The following HR variants were observed in gnomAD, a reference collection of about 807,000 sequenced individuals.
HR encodes the protein HR lysine demethylase and nuclear receptor corepressor, also known as lysine-specific demethylase hairless.
HR carries 83 observed loss-of-function variants against 128.6 expected under a neutral mutation model. The observed-to-expected ratio is 0.65, with a 90% CI of 0.54 to 0.77. The LOEUF (loss-of-function observed/expected upper bound fraction) is 0.77. Ranked by LOEUF, HR falls within the 30% of genes least tolerant of loss-of-function variation. The pLI, the probability that HR is intolerant of heterozygous loss-of-function variation, is 0.00. For missense variants in HR, 1,490 were observed against 1,574.6 expected (o/e 0.95, Z 0.91); for synonymous variants, 681 against 658.2 (o/e 1.03, Z -0.53).
chr8:22,130,990 G>C lies in HR; in HGVS notation c.-603C>G, dbSNP rs1827039272. On this transcript the variant is annotated 5_prime_UTR_variant, in exon 1 of 19. Transcript: ENST00000381418. Reference sequence around the variant, plus strand: ...GGAGAGCGCAGCAGGACCTCTGATCGCCATCGCCAGAAGCGCAACTGAGAG... The same window carrying C: ...GGAGAGCGCAGCAGGACCTCTGATCCCCATCGCCAGAAGCGCAACTGAGAG... The C allele has an allele frequency of 6.6e-6, 1 of 152,256 alleles. No individual in the cohort carries two copies. Among genetic ancestry groups the C allele is most frequent in the Non-Finnish European group, 1.5e-5 (1 of 68,060 alleles). The allele number at this position is 152,256 out of a possible 1,614,324, so 9.4% of individuals were successfully genotyped here.
chr8:22,123,434 C>T (rs1345674719), intron 6 of HR, among the ~76,000 whole-genome samples: 1 of 152,192 alleles, frequency 6.6e-6, no homozygotes, highest in Non-Finnish European at 1.5e-5. Flanking sequence ...GGCACACTCG[C>T]CTTTGTTTAA....
In HR at chr8:22,117,123, CA is replaced by C. The variant is rs1008641025; in HGVS notation, c.3214-85del. On this transcript the variant is annotated intron_variant, in intron 16 of 18. Coordinates refer to ENST00000381418, the MANE Select transcript of HR (RefSeq NM_005144.5). ...GATGGGGCATGGACTTTCCAGAGGC[CA>C]GGGGTGGAGAAAAGAGCCGAAGGGT... The C allele has an allele frequency of 1.2e-4, 159 of 1,345,888 alleles. No homozygotes were observed. In the African/African-American group the frequency reaches 2.0e-3, roughly 17 times the overall value. 83.4% of individuals were successfully genotyped at this position (1,345,888 alleles called of 1,614,324 possible). A position where few individuals can be genotyped will look rare whatever the true frequency, so the allele number is the denominator to read the frequency against.
rs907554353 is a variant in HR, at chr8:22,127,390, C to A, written c.1052G>T (p.Gly351Val). Residue 351 changes from glycine to valine, a missense_variant, in exon 3 of 19, where the codon GGT becomes GTT. Around this residue, in one of 3 missense-constraint regions of HR, gnomAD observed 1,060 missense variants for 1,060.9 expected, o/e 1.00. Transcript: ENST00000381418. Reference protein sequence around the residue: ...CGKCQEGLEGGASGASEPSEE... With the variant: ...CGKCQEGLEGVASGASEPSEE... ...GCTGGGTTCGCTGGCTCCACTGGCACCCCCCTCCAGGCCCTCCTGGCACTT... is the reference window on the plus strand; with the variant it reads ...GCTGGGTTCGCTGGCTCCACTGGCAACCCCCTCCAGGCCCTCCTGGCACTT... 10 of 1,613,100 alleles carry A rather than the reference C, an allele frequency of 6.2e-6. No individual in the cohort carries two copies. The highest frequency in any genetic ancestry group is 8.5e-6 in the Non-Finnish European group (10 of 1,179,966).
At chr8:22,123,617 T>TTGTGG in intron 6 of HR, 32 bp downstream of exon 6, 1 of 292,092 alleles carries the variant, frequency 3.4e-6, no homozygotes, top group Non-Finnish European at 6.2e-6. Flanking sequence ...GAGGGCTCCA[T>TTGTGG]CCCGCCCTCC....
In HR at chr8:22,116,251, T is replaced by G. The variant is rs761724472; in HGVS notation, c.3507+49A>C. ...CCACTGCAGCTGTGGCACAGGGAGG[T>G]GGGAGGCTTGGGTAGCACACCCAGC... On this transcript the variant is annotated intron_variant, in intron 18 of 18. Transcript: ENST00000381418. This position sits in a 1 kb window ranked among gnomAD's most constrained non-coding sequence, Gnocchi z 4.2. 2.5e-6 allele frequency: 4 copies of G among 1,610,154 alleles called. No homozygotes were observed. The African/African-American group carries it at 5.4e-5, about 22-fold the overall frequency.
At chr8:22,123,022 T>C (rs1826795224) in intron 6 of HR, 143 bp from the exon 7 acceptor site, 2 of 754,814 alleles carry the variant, frequency 2.6e-6, no homozygotes, top group African/African-American at 1.7e-5. Context: ...CTGGGTCACA[T>C]AGAGACACAG....
In HR at chr8:22,127,752, G is replaced by A. The variant is rs774834666; in HGVS notation, c.690C>T (p.Gly230=). 3 of 1,602,964 alleles carry A rather than the reference G, an allele frequency of 1.9e-6. No homozygotes were observed. Among genetic ancestry groups the A allele is most frequent in the Non-Finnish European group, 2.5e-6 (3 of 1,179,978 alleles). The change falls in exon 3 of 19, where the codon GGC becomes GGT. Residue 230 remains glycine (G), a synonymous_variant. Coordinates refer to ENST00000381418, the MANE Select transcript of HR (RefSeq NM_005144.5). Reference sequence around the variant, plus strand: ...TCTGCAGGTGCCCACCAGAGTTTAAGCCAAACAACCCAGGTTCCGCAGCTG... The same window carrying A: ...TCTGCAGGTGCCCACCAGAGTTTAAACCAAACAACCCAGGTTCCGCAGCTG... ...PLAAAEPGLF[G]LNSGGHLQRA...
chr8:22,118,752 G>A, intron 16 of HR, 198 bp downstream of exon 16: 1 of 603,116 alleles, frequency 1.7e-6, no homozygotes, highest in Non-Finnish European at 3.0e-6. Flanking sequence ...CGCAGCCCCT[G>A]CCCCTTCTCT....
At chr8:22,120,571 G>T in intron 11 of HR, 64 bp from the exon 12 acceptor site, 1 of 1,605,812 alleles carries the variant, frequency 6.2e-7, no homozygotes, top group African/African-American at 1.3e-5. Context: ...GGCCAGGCAA[G>T]GGCGTGTTGT....
rs1826687284 is a variant in HR, at chr8:22,119,789, G to T, written c.2948C>A (p.Pro983Gln). 1.2e-6 allele frequency: 2 copies of T among 1,613,272 alleles called. No individual in the cohort carries two copies. Among genetic ancestry groups the T allele is most frequent in the South Asian group, 1.1e-5 (1 of 90,994 alleles). The change falls in exon 14 of 19, where the codon CCA becomes CAA. Residue 983 changes from proline (P) to glutamine (Q), a missense_variant. Physicochemically the swap from Pro to Gln is moderately conservative, Grantham distance 76 (BLOSUM62 -1). Transcript: ENST00000381418. ...GGCTGCCCAGAGCTGGGGCTCCAGT[G>T]GACGCAGGGCAAGGCCCGGTGGGAG... Reference protein sequence around the residue: ...SYLPPGLALRPLEPQLWAAYG... With the variant: ...SYLPPGLALRQLEPQLWAAYG...
chr8:22,120,748 G>A lies in HR; in HGVS notation c.2578C>T (p.His860Tyr). The A allele has an allele frequency of 6.6e-7, 1 of 1,511,796 alleles. No homozygotes were observed. The allele number at this position is 1,511,796 out of a possible 1,614,324, so 93.6% of individuals were successfully genotyped here. Reference protein sequence around the residue: ...EPQPCPRRGFHLFQEHWRQGQ... With the variant: ...EPQPCPRRGFYLFQEHWRQGQ... ...TGCCTCCAGTGCTCCTGGAAGAGGT[G>A]GAAGCCACGCCGAGGGCAAGGCTGG... The change falls in exon 11 of 19, where the codon CAC becomes TAC. Residue 860 changes from histidine (H) to tyrosine (Y), a missense_variant. His to Tyr is a moderately conservative substitution (Grantham distance 83). This residue lies in a region of HR where 423 missense variants were observed against 495.9 expected (regional missense o/e 0.85). Coordinates refer to ENST00000381418, the MANE Select transcript of HR (RefSeq NM_005144.5).
Position 22,130,436 on chromosome 8 carries a change from C to T in HR, c.-49G>A, listed in dbSNP as rs888475397. On this transcript the variant is annotated 5_prime_UTR_variant, in exon 1 of 19. It removes the in-frame stop codon of an upstream open reading frame in the 5' UTR. Coordinates refer to ENST00000381418, the MANE Select transcript of HR (RefSeq NM_005144.5). ...GCGCTCCTGGCGCTTACCTGGGCTT[C>T]ACCGGCCGGTCGCGGCGCGGGCGGT... 6 of 152,240 alleles carry T rather than the reference C, an allele frequency of 3.9e-5. No individual in the cohort carries two copies. The highest frequency in any genetic ancestry group is 1.4e-4 in the African/African-American group (6 of 41,464). 9.4% of individuals were successfully genotyped at this position (152,240 alleles called of 1,614,324 possible). A position where few individuals can be genotyped will look rare whatever the true frequency, so the allele number is the denominator to read the frequency against.
In HR at chr8:22,122,613, G is replaced by C; in HGVS notation, c.2006-5C>G. The stretch of plus-strand genomic sequence containing the variant: ...CAGTGCTCAGCTCTGCCAAAGCTGG[G>C]GGTGGGGGTGGGCAGGAGAGGGAGG... On this transcript the variant is annotated splice_region_variant and splice_polypyrimidine_tract_variant and intron_variant, in intron 7 of 18. Coordinates refer to ENST00000381418, the MANE Select transcript of HR (RefSeq NM_005144.5). 1 of 1,602,548 alleles carries C rather than the reference G, an allele frequency of 6.2e-7. No individual in the cohort carries two copies.
rs199807649 is a variant in HR, at chr8:22,125,607, C to T, written c.1531G>A (p.Ala511Thr). Residue 511 changes from alanine (A) to threonine (T), a missense_variant, in exon 4 of 19, where the codon GCC (alanine) becomes ACC (threonine). By Grantham distance (58) the Ala-to-Thr change is moderately conservative (BLOSUM62 0). Transcript: ENST00000381418. The part of the protein sequence containing the change: ...AQAAGEGGGH[A>T]CHSQQVRRSP... ...CTCCGCACTTGCTGAGAGTGGCAGG[C>T]GTGCCCTCCTCCCTCTCCAGCTGCC... 1.1e-4 allele frequency: 177 copies of T among 1,579,316 alleles called. 1 individual carries two copies. The highest frequency in any genetic ancestry group is 5.4e-4 in the African/African-American group (40 of 74,106).
intron 18 of HR, 22 bp from the exon 19 acceptor site, chr8:22,115,784 A>G: frequency 6.2e-7 from 1 of 1,612,680 alleles, no homozygotes; most frequent in Non-Finnish European, 8.5e-7. Flanking sequence ...AGAGAGGACA[A>G]AGCATTTTCA....
rs544453031 is a variant in HR at position 22,129,981 on chromosome 8, G to A, written c.-41+447C>T. Among the ~76,000 whole-genome samples, 8 of 152,310 alleles carry A rather than the reference G, an allele frequency of 5.3e-5. No homozygotes were observed. In the South Asian group the frequency reaches 1.7e-3, roughly 32 times the overall value. On this transcript the variant is annotated intron_variant, in intron 1 of 18. Transcript: ENST00000381418. Reference sequence around the variant, plus strand: ...GGATTAAGAAGCCTCAGCTGGATGGGTCAAGCTGCCCTAGCCCAGCCAGCA... The same window carrying A: ...GGATTAAGAAGCCTCAGCTGGATGGATCAAGCTGCCCTAGCCCAGCCAGCA...
At position 22,120,882 on chromosome 8, in the gene HR, C is replaced by T. The variant is rs1297385578; in HGVS notation, c.2444G>A (p.Gly815Glu). The T allele has an allele frequency of 6.4e-7, 1 of 1,554,416 alleles. No individual in the cohort carries two copies. The highest frequency in any genetic ancestry group is 2.0e-5 in the Admixed American group (1 of 51,264). ...VERKIQEKAL[G>E]PGLRAGPGLR... ...ACCCGGGCCAGCTCGAAGCCCCGGC[C>T]CCAGGGCTTTCTCCTGGATCTTCCG... The change falls in exon 11 of 19, where the codon GGG (glycine) becomes GAG (glutamate). Residue 815 changes from glycine (G) to glutamate (E), a missense_variant. Physicochemically the swap from Gly to Glu is moderately conservative, Grantham distance 98. Around this residue, in one of 3 missense-constraint regions of HR, gnomAD observed 423 missense variants for 495.9 expected, o/e 0.85. Transcript: ENST00000381418.
chr8:22,115,588 G>C lies in HR; in HGVS notation c.*112C>G, dbSNP rs1826564702. 1 of 921,382 alleles carries C rather than the reference G, an allele frequency of 1.1e-6. No homozygotes were observed. The highest frequency in any genetic ancestry group is 1.6e-5 in the African/African-American group (1 of 61,260). The allele number at this position is 921,382 out of a possible 1,614,324, so 57.1% of individuals were successfully genotyped here. On this transcript the variant is annotated 3_prime_UTR_variant, in exon 19 of 19. Transcript: ENST00000381418. ...GCTTGTGCCCAGAGTGGTGCTTGTG[G>C]GGTTGACCAGAAATCCCCAAGTCCC...
chr8:22,124,647 G>T (rs1370945491), intron 5 of HR, among the ~76,000 whole-genome samples: 1 of 152,210 alleles, frequency 6.6e-6, no homozygotes, highest in East Asian at 1.9e-4. Flanking sequence ...GGATGGGAAT[G>T]CGGGAGAGCT....
Sources: gnomAD v4.1 joint callset for allele counts (sites outside exome capture counted in the v4.1 genomes callset) on GRCh38, gnomAD v4.1.1 for gene constraint, gnomAD v4.1.1 regional missense constraint, Gnocchi (gnomAD v3.1) non-coding constraint, MANE v1.5 for transcripts, NCBI Gene and HGNC (gene_info 2026-07-23, HGNC 2026-07-21) for gene names.